NDUFAF6: variants seen among roughly 807,000 people sequenced by gnomAD.
The protein encoded by NDUFAF6 is NADH:ubiquinone oxidoreductase complex assembly factor 6.
In NDUFAF6, 45 loss-of-function variants were observed where a neutral mutation model predicts 40.8. That is an observed-to-expected ratio of 1.10 (90% CI 0.87 to 1.42). The LOEUF (loss-of-function observed/expected upper bound fraction) is 1.42, where lower values mean the gene tolerates loss of function less well. Ranked by LOEUF, NDUFAF6 falls within the 40% of genes most tolerant of loss-of-function variation. NDUFAF6 has a pLI of 0.00. For synonymous variants in NDUFAF6, 185 were observed against 155.9 expected (o/e 1.19, Z -1.39); for missense variants, 435 against 418.5 (o/e 1.04, Z -0.34).
intron 2 of NDUFAF6, among the ~76,000 whole-genome samples, chr8:95,082,286 G>A (rs1317485989): frequency 2.0e-5 from 3 of 152,088 alleles, no homozygotes; most frequent in Non-Finnish European, 2.9e-5. Flanking sequence ...AGTCCAGCCT[G>A]GGCAACATGA....
chr8:95,083,169 G>T (rs1371492655), intron 2 of NDUFAF6, among the ~76,000 whole-genome samples: 2 of 152,170 alleles, frequency 1.3e-5, no homozygotes, highest in Admixed American at 6.5e-5. Flanking sequence ...TTGGTAAATT[G>T]TGTAAGGTGA....
At chr8:95,057,659 TTC>T in intron 8 of NDUFAF6, 148 bp from the exon 9 acceptor site, 1 of 647,650 alleles carries the variant, frequency 1.5e-6, no homozygotes, top group Non-Finnish European at 2.6e-6. Flanking sequence ...GTCTTTTTCT[TTC>T]TCTCTTTTAA....
chr8:95,081,172 TTTTTTTTTTTGAG>T (rs1808851078), intron 2 of NDUFAF6, among the ~76,000 whole-genome samples: 1 of 41,484 alleles, frequency 2.4e-5, no homozygotes, highest in African/African-American at 7.5e-5. Flanking sequence ...TTTTTTTTTT[TTTTTTTTTTTGAG>T]GTGGAGTCTT....
intron 9 of NDUFAF6, among the ~76,000 whole-genome samples, chr8:95,066,489 ACT>A (rs1043967074): frequency 6.6e-5 from 10 of 151,996 alleles, no homozygotes; most frequent in African/African-American, 2.2e-4. Context: ...AAAAATAAAA[ACT>A]CTGAAGTGGG....
At position 95,074,414 on chromosome 8, in the gene NDUFAF6, AAGTG is replaced by A. The variant is rs1832970586; in HGVS notation, c.*512-1218_*512-1215del. ...ATTGGTCTTTAATCTGGGGCCAGGGAAGTGTTTGACCTGTGGCTGAGATTTCCAC... is the reference window on the plus strand; with the variant it reads ...ATTGGTCTTTAATCTGGGGCCAGGGATTTGACCTGTGGCTGAGATTTCCAC... On this transcript the variant is annotated intron_variant and NMD_transcript_variant, in intron 9 of 9. Transcript: ENST00000520757. Among the ~76,000 whole-genome samples the A allele has an allele frequency of 1.5e-4, 22 of 147,726 alleles. 2 individuals are homozygous for A. Among genetic ancestry groups the A allele is most frequent in the African/African-American group, 3.3e-4 (13 of 39,108 alleles).
intron 2 of NDUFAF6, among the ~76,000 whole-genome samples, chr8:95,017,820 T>G (rs1391238278): frequency 6.6e-6 from 1 of 152,130 alleles, no homozygotes; most frequent in African/African-American, 2.4e-5. Flanking sequence ...AAATGAACAA[T>G]CCAACAGACT....
chr8:95,007,705 A>G (rs1586954785), intron 2 of NDUFAF6, among the ~76,000 whole-genome samples: 1 of 137,554 alleles, frequency 7.3e-6, no homozygotes, highest in East Asian at 2.1e-4. Flanking sequence ...ACTAAAGATC[A>G]TGTAGTTTAG....
chr8:94,951,430 A>C (rs150060173), intron 2 of NDUFAF6: 1 of 152,360 alleles, frequency 6.6e-6, no homozygotes, highest in African/African-American at 2.4e-5. Context: ...AGCAGCGATA[A>C]CCAAAACACA....
chr8:95,042,421 A>G (rs1830248195), intron 4 of NDUFAF6, among the ~76,000 whole-genome samples: 1 of 152,248 alleles, frequency 6.6e-6, no homozygotes, highest in Non-Finnish European at 1.5e-5. Flanking sequence ...TTAGCTAAGA[A>G]GACCTATTTT....
chr8:94,970,287 A>G (rs962721801), intron 1 of NDUFAF6, among the ~76,000 whole-genome samples: 3 of 151,176 alleles, frequency 2.0e-5, no homozygotes, highest in Middle Eastern at 3.2e-3. Context: ...GAAGGAAAAA[A>G]ACATAAAATG....
At chr8:94,930,403 T>C in intron 1 of NDUFAF6, 1 of 1,564,266 alleles carries the variant, frequency 6.4e-7, no homozygotes. Flanking sequence ...AGAGACAACA[T>C]TTTCACTGTA....
At chr8:94,936,804 C>G (rs894161466) in intron 1 of NDUFAF6, among the ~76,000 whole-genome samples, 2 of 152,134 alleles carry the variant, frequency 1.3e-5, no homozygotes, top group African/African-American at 4.8e-5. Flanking sequence ...CTGGAGGTGC[C>G]ATCCTGGGTT....
chr8:94,959,690 C>A (rs1399501260), intron 1 of NDUFAF6, among the ~76,000 whole-genome samples: 1 of 152,048 alleles, frequency 6.6e-6, no homozygotes, highest in Non-Finnish European at 1.5e-5. Context: ...ACCACCATGC[C>A]AGGCTGTTAT....
chr8:95,024,878 C>T, upstream of NDUFAF6: 1 of 786,876 alleles, frequency 1.3e-6, no homozygotes, highest in Non-Finnish European at 1.7e-6. Flanking sequence ...CGACACCTGG[C>T]TCTTCTTTGA....
chr8:95,031,769 T>G (rs751479376), intron 1 of NDUFAF6, among the ~76,000 whole-genome samples: 1 of 152,126 alleles, frequency 6.6e-6, no homozygotes, highest in Non-Finnish European at 1.5e-5. Flanking sequence ...CCCGACTAAT[T>G]TTTGTATTTT....
intron 2 of NDUFAF6, among the ~76,000 whole-genome samples, chr8:95,017,343 C>T (rs902077799): frequency 1.3e-5 from 2 of 151,994 alleles, no homozygotes; most frequent in Non-Finnish European, 2.9e-5. Flanking sequence ...TGGAGACAAC[C>T]TTACAGGAAG....
intron 1 of NDUFAF6, among the ~76,000 whole-genome samples, chr8:94,903,835 G>T (rs1468774246): frequency 6.6e-6 from 1 of 152,184 alleles, no homozygotes; most frequent in Non-Finnish European, 1.5e-5. Context: ...TCCCCACCCT[G>T]TCAACCCCTG....
Position 95,032,096 on chromosome 8 carries a change from C to T in NDUFAF6, c.297+2C>T. 1 of 1,612,730 alleles carries T rather than the reference C, an allele frequency of 6.2e-7. No individual in the cohort carries two copies. Among genetic ancestry groups the T allele is most frequent in the South Asian group, 1.1e-5 (1 of 91,042 alleles). ...GCCTTTAATGTGGAACTGGCTCAGGCTGGTATTAAGATACCTTAAAATATT... is the reference window on the plus strand; with the variant it reads ...GCCTTTAATGTGGAACTGGCTCAGGTTGGTATTAAGATACCTTAAAATATT... On this transcript the variant is annotated splice_donor_variant, in intron 2 of 8. Coordinates refer to ENST00000396124, the MANE Select transcript of NDUFAF6 (RefSeq NM_152416.4). LOFTEE classifies it low-confidence loss of function (GC_TO_GT_DONOR).
At chr8:94,928,194 A>T (rs541541853) in intron 1 of NDUFAF6, 19 of 151,726 alleles carry the variant, frequency 1.3e-4, no homozygotes, top group African/African-American at 4.6e-4. Context: ...ACAAAGCATA[A>T]AAAACTAGCC....
Sources: gnomAD v4.1 joint callset for allele counts (sites outside exome capture counted in the v4.1 genomes callset) on GRCh38, gnomAD v4.1.1 for gene constraint, MANE v1.5 for transcripts, NCBI Gene and HGNC (gene_info 2026-07-23, HGNC 2026-07-21) for gene names.